Variants in RBFOX3 observed in about 807,000 individuals in gnomAD.
RBFOX3 encodes RNA binding protein fox-1 homolog 3.
RBFOX3 carries 17 observed loss-of-function variants against 48.7 expected under a neutral mutation model. That is an observed-to-expected ratio of 0.35 (90% CI 0.24 to 0.52). RBFOX3 has a LOEUF of 0.52. Among genes scored for constraint, RBFOX3 ranks in the 20% least tolerant of loss-of-function variants. The probability of loss-of-function intolerance (pLI) is 0.94; values close to 1 mark genes in which losing one functional copy is unlikely to be tolerated. For missense variants in RBFOX3, 382 were observed against 497.5 expected (o/e 0.77, Z 2.21); for synonymous variants, 212 against 209.5 (o/e 1.01, Z -0.10).
intron 4 of RBFOX3, among the ~76,000 whole-genome samples, chr17:79,138,982 CA>C (rs2041281012): frequency 6.7e-6 from 1 of 149,138 alleles, no homozygotes; most frequent in Admixed American, 6.6e-5. Context: ...CATGCGTTCA[CA>C]CCCCCTCACA....
the RBFOX3 span, among the ~76,000 whole-genome samples, chr17:79,652,005 C>T: frequency 2.6e-5 from 4 of 151,596 alleles, no homozygotes; most frequent in Non-Finnish European, 5.9e-5. Context: ...CAGTCATGCC[C>T]TAGATGCCCC....
chr17:79,499,535 G>A (rs1398200352), intron 1 of RBFOX3, among the ~76,000 whole-genome samples: 1 of 152,216 alleles, frequency 6.6e-6, no homozygotes, highest in Non-Finnish European at 1.5e-5. Context: ...CACAACAGGG[G>A]CAGGGTTTGG....
intron 1 of RBFOX3, among the ~76,000 whole-genome samples, chr17:79,548,329 C>A (rs1363316513): frequency 6.6e-6 from 1 of 152,202 alleles, no homozygotes; most frequent in African/African-American, 2.4e-5. Context: ...CCCCACCTCA[C>A]CCATGTGCTC....
At position 79,288,480 on chromosome 17, in the gene RBFOX3, C is replaced by A. The variant is rs533212820; in HGVS notation, c.-74+19244G>T. 9.9e-5 allele frequency among the ~76,000 whole-genome samples: 15 copies of A among 152,128 alleles called. No individual in the cohort carries two copies. The South Asian group carries it at 2.5e-3, about 25-fold the overall frequency. Reference sequence around the variant, plus strand: ...CTGCCCCTTTCCATTCTCTGCAGCCCCCCCCAGCCCGGCTTCCAGCCCCTC... The same window carrying A: ...CTGCCCCTTTCCATTCTCTGCAGCCACCCCCAGCCCGGCTTCCAGCCCCTC... On this transcript the variant is annotated intron_variant, in intron 3 of 14. Coordinates refer to ENST00000693108, the MANE Select transcript of RBFOX3 (RefSeq NM_001350451.2).
Position 79,264,786 on chromosome 17 carries a change from C to T in RBFOX3, c.-73-28981G>A, listed in dbSNP as rs920536074. Among the ~76,000 whole-genome samples the T allele has an allele frequency of 1.8e-4, 28 of 152,238 alleles. 1 individual carries two copies. Among genetic ancestry groups the T allele is most frequent in the East Asian group, 5.8e-4 (3 of 5,164 alleles). On this transcript the variant is annotated intron_variant, in intron 3 of 14. Coordinates refer to ENST00000693108, the MANE Select transcript of RBFOX3 (RefSeq NM_001350451.2). ...TGGGTCCTGTGTATACTGCCAGAGGCGGTGTGCCCCACGAACCGGGCCTCG... is the reference window on the plus strand; with the variant it reads ...TGGGTCCTGTGTATACTGCCAGAGGTGGTGTGCCCCACGAACCGGGCCTCG...
chr17:79,393,026 C>T (rs1251950417), intron 2 of RBFOX3, among the ~76,000 whole-genome samples: 1 of 152,152 alleles, frequency 6.6e-6, no homozygotes, highest in Admixed American at 6.5e-5. Flanking sequence ...TGATGGAGAC[C>T]AAAGCCCCAA....
At chr17:79,200,743 A>G (rs2146814376) in intron 4 of RBFOX3, among the ~76,000 whole-genome samples, 1 of 152,322 alleles carries the variant, frequency 6.6e-6, no homozygotes, top group Middle Eastern at 3.4e-3. Flanking sequence ...TGGAGGGTAC[A>G]GCTTTGCTGG....
chr17:79,519,448 A>G (rs1449378499), intron 1 of RBFOX3, among the ~76,000 whole-genome samples: 4 of 152,212 alleles, frequency 2.6e-5, no homozygotes, highest in African/African-American at 9.6e-5. Context: ...CAGGGTGGGT[A>G]CGGGGAACAG....
In RBFOX3 at chr17:79,287,624, C is replaced by G. The variant is rs149759537; in HGVS notation, c.-74+20100G>C. Among the ~76,000 whole-genome samples, 438 of 152,338 alleles carry G rather than the reference C, an allele frequency of 2.9e-3. 2 individuals are homozygous for G. The highest frequency in any genetic ancestry group is 0.01 in the African/African-American group (419 of 41,584). Reference sequence around the variant, plus strand: ...AGGCAGCTGGGCCAGGCCAGGGCACCAGGGCCCCTCCCCACCCTGAGAATC... The same window carrying G: ...AGGCAGCTGGGCCAGGCCAGGGCACGAGGGCCCCTCCCCACCCTGAGAATC... On this transcript the variant is annotated intron_variant, in intron 3 of 14. Transcript: ENST00000693108.
chr17:79,242,803 C>T lies in RBFOX3; in HGVS notation c.-73-6998G>A, dbSNP rs577421689. On this transcript the variant is annotated intron_variant, in intron 3 of 14. Transcript: ENST00000693108. The surrounding 1 kb of genome is among the most constrained non-coding windows in gnomAD (Gnocchi z 5.8). ...AGCAGGGCAGGGCTTAGGGGTTATA[C>T]GCCGTGCTCAGAGCAGTTTTGCCTC... Among the ~76,000 whole-genome samples, 8 of 152,264 alleles carry T rather than the reference C, an allele frequency of 5.3e-5. No individual in the cohort carries two copies. The highest frequency in any genetic ancestry group is 7.2e-5 in the African/African-American group (3 of 41,554).
At chr17:79,232,735 T>C (rs992072969) in intron 4 of RBFOX3, among the ~76,000 whole-genome samples, 1 of 152,172 alleles carries the variant, frequency 6.6e-6, no homozygotes, top group Non-Finnish European at 1.5e-5. Context: ...AAAGAAGACA[T>C]AATAAATGCC....
chr17:79,119,625 G>C (rs1340985153), intron 4 of RBFOX3, among the ~76,000 whole-genome samples: 1 of 152,186 alleles, frequency 6.6e-6, no homozygotes. Flanking sequence ...CCTGGTGACT[G>C]TCTGTCCTCT....
At chr17:79,394,064 G>A (rs112511088) in intron 2 of RBFOX3, among the ~76,000 whole-genome samples, 17,267 of 151,456 alleles carry the variant, frequency 0.11, 1,203 homozygotes, top group East Asian at 0.18. Context: ...GTGCACATCC[G>A]AGCCCGTCAT....
At chr17:79,352,024 T>A (rs2084039248) in intron 2 of RBFOX3, among the ~76,000 whole-genome samples, 1 of 151,940 alleles carries the variant, frequency 6.6e-6, no homozygotes, top group Non-Finnish European at 1.5e-5. Flanking sequence ...AGCTTCTGCA[T>A]TCCTGGTGGA....
chr17:79,193,152 G>A (rs993178373), intron 4 of RBFOX3, among the ~76,000 whole-genome samples: 1 of 152,172 alleles, frequency 6.6e-6, no homozygotes, highest in African/African-American at 2.4e-5. Context: ...TGCCGGCATG[G>A]CTGCCGTTTC....
chr17:79,102,082 C>T (rs2076547425), intron 8 of RBFOX3, among the ~76,000 whole-genome samples: 1 of 152,178 alleles, frequency 6.6e-6, no homozygotes, highest in Non-Finnish European at 1.5e-5. Context: ...GGATGATGCC[C>T]CCCTCCCCCG....
intron 2 of RBFOX3, among the ~76,000 whole-genome samples, chr17:79,341,004 C>T (rs2081999167): frequency 2.0e-5 from 3 of 152,232 alleles, no homozygotes; most frequent in Non-Finnish European, 4.4e-5. Flanking sequence ...TGGACTCAAA[C>T]AAACATAATG....
At chr17:79,508,991 G>C (rs1272229157) in intron 1 of RBFOX3, 3 of 152,308 alleles carry the variant, frequency 2.0e-5, no homozygotes, top group East Asian at 1.9e-4. Context: ...GAAACACCTG[G>C]GGGGCTTGGA....
chr17:79,387,060 TGAACAG>T (rs1462411068), intron 2 of RBFOX3, among the ~76,000 whole-genome samples: 1 of 152,232 alleles, frequency 6.6e-6, no homozygotes, highest in African/African-American at 2.4e-5. Flanking sequence ...CCTCTAGTAC[TGAACAG>T]GGACAGGAAA....
Sources: gnomAD v4.1 joint callset for allele counts (sites outside exome capture counted in the v4.1 genomes callset) on GRCh38, gnomAD v4.1.1 for gene constraint, Gnocchi (gnomAD v3.1) non-coding constraint, MANE v1.5 for transcripts, NCBI Gene and HGNC (gene_info 2026-07-23, HGNC 2026-07-21) for gene names.